Variants in DPYD observed in about 807,000 individuals in gnomAD.
The protein encoded by DPYD is dihydropyrimidine dehydrogenase, also known as dihydropyrimidine dehydrogenase [NADP(+)].
Under a neutral mutation model 116.2 loss-of-function variants are expected in DPYD, and 109 were observed. The ratio of observed to expected loss-of-function variants is 0.94; its 90% confidence interval spans 0.80 to 1.10. The LOEUF (loss-of-function observed/expected upper bound fraction) is 1.10, where lower values mean the gene tolerates loss of function less well. DPYD is among the 50% of genes least tolerant of loss of function. DPYD has a pLI of 0.00. For synonymous variants in DPYD, 440 were observed against 432.0 expected (o/e 1.02, Z -0.23); for missense variants, 1,302 against 1,254.5 (o/e 1.04, Z -0.57).
chr1:97,318,297 A>C (rs1355697271), intron 16 of DPYD, among the ~76,000 whole-genome samples: 4 of 126,300 alleles, frequency 3.2e-5, no homozygotes. Flanking sequence ...AGTTGGATAA[A>C]GAGTCAAGAC....
intron 19 of DPYD, among the ~76,000 whole-genome samples, chr1:97,198,461 G>A (rs1438663531): frequency 6.6e-6 from 1 of 152,170 alleles, no homozygotes; most frequent in Non-Finnish European, 1.5e-5. Flanking sequence ...TAGGATGCAA[G>A]TGCACCATTG....
At chr1:97,618,739 C>G (rs539014703) in intron 8 of DPYD, among the ~76,000 whole-genome samples, 1 of 152,256 alleles carries the variant, frequency 6.6e-6, no homozygotes, top group East Asian at 1.9e-4. Flanking sequence ...AGCCACACTT[C>G]AGAAATAAAC....
intron 10 of DPYD, among the ~76,000 whole-genome samples, chr1:97,592,892 G>A (rs936717075): frequency 3.9e-5 from 6 of 152,112 alleles, no homozygotes; most frequent in African/African-American, 1.4e-4. Context: ...CATACATTTT[G>A]TGAAGAGTAC....
At chr1:97,698,852 A>T (rs1362933641) in intron 6 of DPYD, among the ~76,000 whole-genome samples, 1 of 151,962 alleles carries the variant, frequency 6.6e-6, no homozygotes, top group African/African-American at 2.4e-5. Context: ...ATGTGATTTT[A>T]AAAATGTATA....
intron 10 of DPYD, among the ~76,000 whole-genome samples, chr1:97,586,615 A>C (rs1369379217): frequency 2.0e-5 from 3 of 149,318 alleles, no homozygotes; most frequent in African/African-American, 7.4e-5. Context: ...TAATGCAACA[A>C]CCTCCTTCAG....
chr1:97,832,547 A>G (rs559953693), intron 2 of DPYD, among the ~76,000 whole-genome samples: 11 of 152,308 alleles, frequency 7.2e-5, no homozygotes, highest in Non-Finnish European at 1.5e-4. Flanking sequence ...ATTTAGGCCA[A>G]ATTAATACCC....
intron 5 of DPYD, among the ~76,000 whole-genome samples, chr1:97,706,097 T>C (rs1435131289): frequency 1.3e-5 from 2 of 152,106 alleles, no homozygotes; most frequent in South Asian, 2.1e-4. Flanking sequence ...TATATGAATT[T>C]GTCATTCCTA....
intron 13 of DPYD, among the ~76,000 whole-genome samples, chr1:97,492,733 T>A (rs921058209): frequency 1.3e-5 from 2 of 152,186 alleles, no homozygotes; most frequent in African/African-American, 4.8e-5. Context: ...TAAACATTTT[T>A]ATCCAATCAT....
chr1:97,481,259 C>T (rs1421780630), intron 13 of DPYD, among the ~76,000 whole-genome samples: 3 of 151,668 alleles, frequency 2.0e-5, no homozygotes, highest in Non-Finnish European at 4.4e-5. Context: ...TATTATTTGG[C>T]CAATATGACA....
At chr1:97,331,662 A>G (rs140778617) in intron 16 of DPYD, among the ~76,000 whole-genome samples, 175 of 152,316 alleles carry the variant, frequency 1.1e-3, no homozygotes, top group Admixed American at 2.2e-3. Flanking sequence ...GACTAGAGCT[A>G]ATAAATTAAA....
At chr1:97,242,148 AT>A (rs1194189163) in intron 18 of DPYD, among the ~76,000 whole-genome samples, 1 of 131,898 alleles carries the variant, frequency 7.6e-6, no homozygotes, top group Non-Finnish European at 1.7e-5. Context: ...ATATATATAT[AT>A]ATATATATAT....
At position 97,620,099 on chromosome 1, in the gene DPYD, G is replaced by A. The variant is rs528813336; in HGVS notation, c.851-24933C>T. ...GCCTGGGTTACACTCAGATTCCAGT[G>A]AGATTTGGCTGCAATCACTATTCCA... On this transcript the variant is annotated intron_variant, in intron 8 of 22. Transcript: ENST00000370192. Among the ~76,000 whole-genome samples the A allele has an allele frequency of 2.0e-5, 3 of 151,020 alleles. No homozygotes were observed. In the East Asian group the frequency reaches 5.9e-4, roughly 29 times the overall value.
chr1:97,570,689 C>T (rs979731556), intron 11 of DPYD, among the ~76,000 whole-genome samples: 3 of 151,536 alleles, frequency 2.0e-5, no homozygotes, highest in Admixed American at 6.6e-5. Context: ...GAGAAAAGAT[C>T]TGTTTTAGGT....
intron 18 of DPYD, among the ~76,000 whole-genome samples, chr1:97,248,843 AG>A (rs1347279421): frequency 1.3e-5 from 2 of 152,224 alleles, no homozygotes; most frequent in African/African-American, 4.8e-5. Context: ...GTTAAAAAAT[AG>A]TATTCACAAT....
intron 10 of DPYD, among the ~76,000 whole-genome samples, chr1:97,580,673 C>A (rs923766964): frequency 5.3e-5 from 8 of 152,136 alleles, no homozygotes; most frequent in African/African-American, 1.9e-4. Context: ...TTAGCAATAA[C>A]CCTGCTAAGT....
At chr1:97,320,246 G>A (rs1047698174) in intron 16 of DPYD, among the ~76,000 whole-genome samples, 4 of 143,818 alleles carry the variant, frequency 2.8e-5, no homozygotes, top group African/African-American at 1.0e-4. Context: ...AATCAGGCAG[G>A]AGAAAGAAAT....
chr1:97,605,094 C>A (rs1006137188), intron 8 of DPYD, among the ~76,000 whole-genome samples: 2 of 152,072 alleles, frequency 1.3e-5, no homozygotes, highest in African/African-American at 4.8e-5. Context: ...ATGCCAAATG[C>A]ACTGCGATTT....
intron 18 of DPYD, among the ~76,000 whole-genome samples, chr1:97,237,936 T>G (rs1446247325): frequency 6.6e-6 from 1 of 152,118 alleles, no homozygotes; most frequent in Non-Finnish European, 1.5e-5. Context: ...TCATTAACAG[T>G]AAGGGGTAAA....
chr1:97,271,644 C>T (rs897222222), intron 18 of DPYD, among the ~76,000 whole-genome samples: 1 of 152,284 alleles, frequency 6.6e-6, no homozygotes, highest in African/African-American at 2.4e-5. Flanking sequence ...GCATGTTTTG[C>T]TAATGCAGAT....
Sources: gnomAD v4.1 joint callset for allele counts (sites outside exome capture counted in the v4.1 genomes callset) on GRCh38, gnomAD v4.1.1 for gene constraint, MANE v1.5 for transcripts, NCBI Gene and HGNC (gene_info 2026-07-23, HGNC 2026-07-21) for gene names.